FCMR: variants seen among roughly 807,000 people sequenced by gnomAD.
The protein encoded by FCMR is immunoglobulin mu Fc receptor.
A neutral mutation model predicts 41.6 loss-of-function variants in FCMR; 34 were observed. That is an observed-to-expected ratio of 0.82 (90% CI 0.62 to 1.09). The LOEUF is 1.09. FCMR is among the 50% of genes least tolerant of loss of function. The pLI is 0.00. For synonymous variants in FCMR, 209 were observed against 211.8 expected, an observed-to-expected ratio of 0.99 and a Z score of 0.12; for missense variants, 496 against 512.5, an observed-to-expected ratio of 0.97 and a Z score of 0.31.
chr1:206,916,095 C>T (rs1679180312), intron 1 of FCMR, among the ~76,000 whole-genome samples: 1 of 152,202 alleles, frequency 6.6e-6, no homozygotes, highest in Non-Finnish European at 1.5e-5. Flanking sequence ...GATGGACCAG[C>T]CAAAACCACG....
chr1:206,904,882 G>A lies in FCMR; in HGVS notation c.*137C>T. 1 of 933,182 alleles carries A rather than the reference G, an allele frequency of 1.1e-6. No individual in the cohort carries two copies. Among genetic ancestry groups the A allele is most frequent in the South Asian group, 1.5e-5 (1 of 67,656 alleles). 57.8% of individuals were successfully genotyped at this position (933,182 alleles called of 1,614,324 possible). A position where few individuals can be genotyped will look rare whatever the true frequency, so the allele number is the denominator to read the frequency against. On this transcript the variant is annotated 3_prime_UTR_variant, in exon 8 of 8. Coordinates refer to ENST00000367091, the MANE Select transcript of FCMR (RefSeq NM_005449.5). ...CCATGCTCAGGGCACAGATAGATGG[G>A]GATGGGAGTCGAGATGGGGCATGGG...
chr1:206,917,828 A>G, intron 1 of FCMR: 1 of 452,774 alleles, frequency 2.2e-6, no homozygotes, highest in South Asian at 1.6e-5. Flanking sequence ...GCTTTCACCC[A>G]GGCTGGTCTT....
chr1:206,913,952 G>T lies in FCMR; in HGVS notation c.180C>A (p.Thr60=), dbSNP rs377596508. ...TGATGAAGTTGGTGGTGGATACCAC[G>T]GTACCACATGTTCCAGATCCAGCCA... is the stretch of plus-strand genomic sequence containing the variant. ...REMAGSGTCG[T]VVSTTNFIKA... The change falls in exon 2 of 8, where the codon ACC becomes ACA. Residue 60 remains threonine (T), a synonymous_variant. Transcript: ENST00000367091. 7 of 1,614,154 alleles carry T rather than the reference G, an allele frequency of 4.3e-6. No individual in the cohort carries two copies. Among genetic ancestry groups the T allele is most frequent in the Non-Finnish European group, 5.9e-6 (7 of 1,180,024 alleles).
At position 206,903,858 on chromosome 1, in the gene FCMR, T is replaced by A. The variant is rs3093437; in HGVS notation, c.*1161A>T. 0.037 allele frequency: 5,681 copies of A among 152,382 alleles called. 244 individuals carry two copies. The highest frequency in any genetic ancestry group is 0.18 in the East Asian group (962 of 5,326). The allele number at this position is 152,382 out of a possible 1,614,324, so 9.4% of individuals were successfully genotyped here. Reference sequence around the variant, plus strand: ...CATTCCCTGCTAATAAAAGACAACATAACTCAAGTCTGGCAGACTTTCTTC... The same window carrying A: ...CATTCCCTGCTAATAAAAGACAACAAAACTCAAGTCTGGCAGACTTTCTTC... On this transcript the variant is annotated 3_prime_UTR_variant, in exon 8 of 8. Transcript: ENST00000367091.
chr1:206,906,979 A>T (rs953264764), intron 7 of FCMR, among the ~76,000 whole-genome samples: 1 of 150,864 alleles, frequency 6.6e-6, no homozygotes, highest in African/African-American at 2.4e-5. Context: ...ATTCCTTTCA[A>T]TGAGTACTTA....
Position 206,903,632 on chromosome 1 carries a change from T to C in FCMR, c.*1387A>G, listed in dbSNP as rs1678490677. The C allele has an allele frequency of 6.5e-6, 1 of 152,886 alleles. No individual in the cohort carries two copies. Among genetic ancestry groups the C allele is most frequent in the Non-Finnish European group, 1.5e-5 (1 of 68,486 alleles). The allele number at this position is 152,886 out of a possible 1,614,324, so 9.5% of individuals were successfully genotyped here. A position where few individuals can be genotyped will look rare whatever the true frequency, so the allele number is the denominator to read the frequency against. ...GAAAAGTAAACGATAAAATGTGGAT[T>C]AAAGTGCCCAGCACAAAGCAGATCC... On this transcript the variant is annotated 3_prime_UTR_variant, in exon 8 of 8. Transcript: ENST00000367091.
At chr1:206,913,076 C>A in intron 2 of FCMR, 34 bp from the exon 3 acceptor site, 1 of 1,518,582 alleles carries the variant, frequency 6.6e-7, no homozygotes, top group Non-Finnish European at 9.1e-7. Context: ...TTGGTGGTCT[C>A]TAGGGGGAGA....
rs1678509378 is a variant in FCMR, at chr1:206,904,011, T to C, written c.*1008A>G. 1 of 152,368 alleles carries C rather than the reference T, an allele frequency of 6.6e-6. No homozygotes were observed. Among genetic ancestry groups the C allele is most frequent in the Admixed American group, 6.5e-5 (1 of 15,280 alleles). 9.4% of individuals were successfully genotyped at this position (152,368 alleles called of 1,614,324 possible). ...TTTGTGGTCGACATCAATCTAAAGATACAGTGTCTGACTATAACCTTGTTC... is the reference window on the plus strand; with the variant it reads ...TTTGTGGTCGACATCAATCTAAAGACACAGTGTCTGACTATAACCTTGTTC... On this transcript the variant is annotated 3_prime_UTR_variant, in exon 8 of 8. Transcript: ENST00000367091.
chr1:206,911,174 A>T (rs991574215), intron 4 of FCMR, among the ~76,000 whole-genome samples: 1 of 152,052 alleles, frequency 6.6e-6, no homozygotes. Context: ...ATGATTTTGG[A>T]GGTCCTCTTT....
At chr1:206,906,931 G>C (rs531842749) in intron 7 of FCMR, among the ~76,000 whole-genome samples, 3 of 152,088 alleles carry the variant, frequency 2.0e-5, no homozygotes, top group African/African-American at 7.2e-5. Context: ...GCAAGCTGCT[G>C]CTGCTTCCCT....
chr1:206,920,360 C>T (rs1334965906), intron 1 of FCMR, among the ~76,000 whole-genome samples: 1 of 150,010 alleles, frequency 6.7e-6, no homozygotes, highest in Non-Finnish European at 1.5e-5. Context: ...GAAGCTAAGG[C>T]AGGAGAATCG....
chr1:206,909,878 A>G lies in FCMR; in HGVS notation c.842-10T>C, dbSNP rs2102551800. 3 of 1,374,172 alleles carry G rather than the reference A, an allele frequency of 2.2e-6. No homozygotes were observed. The highest frequency in any genetic ancestry group is 2.8e-6 in the Non-Finnish European group (3 of 1,064,804). 85.1% of individuals were successfully genotyped at this position (1,374,172 alleles called of 1,614,324 possible). On this transcript the variant is annotated splice_polypyrimidine_tract_variant and intron_variant, in intron 5 of 7. Coordinates refer to ENST00000367091, the MANE Select transcript of FCMR (RefSeq NM_005449.5). The surrounding 1 kb of genome is among the most constrained non-coding windows in gnomAD (Gnocchi z 5.0). Reference sequence around the variant, plus strand: ...GCCCGCCTGGAGAGGGCTTCCCCACAAAGCCACGGGAAGAGGGAGGAAAAT... The same window carrying G: ...GCCCGCCTGGAGAGGGCTTCCCCACGAAGCCACGGGAAGAGGGAGGAAAAT...
At position 206,905,063 on chromosome 1, in the gene FCMR, T is replaced by A. The variant is rs1678564916; in HGVS notation, c.1129A>T (p.Met377Leu). 2 of 1,614,130 alleles carry A rather than the reference T, an allele frequency of 1.2e-6. No individual in the cohort carries two copies. The highest frequency in any genetic ancestry group is 4.5e-5 in the East Asian group (2 of 44,884). The stretch of plus-strand genomic sequence containing the variant: ...TAGTCATCTGAATCACTGTCCTCCA[T>A]CATGGCGGCAGGCTGGTGGTAGAGG... Reference protein sequence around the residue: ...VSLYHQPAAMMEDSDSDDYIN... With the variant: ...VSLYHQPAAMLEDSDSDDYIN... Residue 377 changes from methionine (M) to leucine (L), a missense_variant, in exon 8 of 8, where the codon ATG (methionine) becomes TTG (leucine). Coordinates refer to ENST00000367091, the MANE Select transcript of FCMR (RefSeq NM_005449.5).
chr1:206,908,674 T>C (rs565948048), intron 7 of FCMR, among the ~76,000 whole-genome samples: 2 of 152,212 alleles, frequency 1.3e-5, no homozygotes, highest in East Asian at 3.9e-4. Flanking sequence ...AGGAATTGCC[T>C]GTGCTCCTCA....
intron 5 of FCMR, 69 bp downstream of exon 5, chr1:206,910,141 A>G (rs1678864577): frequency 6.9e-7 from 1 of 1,442,428 alleles, no homozygotes; most frequent in South Asian, 1.5e-5. Context: ...TGGAAGTTCA[A>G]AAGGGGGTTC....
intron 7 of FCMR, among the ~76,000 whole-genome samples, chr1:206,907,100 GGGT>G (rs1678690450): frequency 1.2e-3 from 67 of 55,886 alleles, no homozygotes; most frequent in Non-Finnish European, 1.6e-3. Context: ...GGGGGTGGGG[GGGT>G]GGGGGGGGGG....
rs750622888 is a variant in FCMR, at chr1:206,913,019, G to A, written c.397C>T (p.Gln133Ter). The change falls in exon 3 of 8, where the codon CAG becomes TAG. Residue 133 changes from glutamine (Q) to a stop codon, truncating the protein, a stop_gained. Coordinates refer to ENST00000367091, the MANE Select transcript of FCMR (RefSeq NM_005449.5). LOFTEE classifies it high-confidence loss of function. ...HSEYEPSWEEQPMPETPKWFH... is the reference protein window; with the variant it reads ...HSEYEPSWEE The stretch of plus-strand genomic sequence containing the variant: ...CATTTTGGAGTCTCAGGCATTGGCT[G>A]CTCTTCCCATGATGGCTCGTATTCT... The A allele has an allele frequency of 6.2e-7, 1 of 1,613,170 alleles. No individual in the cohort carries two copies. The highest frequency in any genetic ancestry group is 1.1e-5 in the South Asian group (1 of 91,062).
At chr1:206,907,238 C>CA (rs369828085) in intron 7 of FCMR, among the ~76,000 whole-genome samples, 138 of 152,112 alleles carry the variant, frequency 9.1e-4, no homozygotes, top group African/African-American at 3.2e-3. Context: ...AAGGGAGGTT[C>CA]ACTACATGGT....
intron 4 of FCMR, among the ~76,000 whole-genome samples, chr1:206,910,886 TTGTG>T (rs61104420): frequency 6.6e-6 from 1 of 151,556 alleles, no homozygotes. Flanking sequence ...TAAGCCAGAT[TTGTG>T]TGTGTGTGTG....
Sources: allele counts gnomAD v4.1 joint callset (sites outside exome capture counted in the v4.1 genomes callset), GRCh38; gene constraint gnomAD v4.1.1; non-coding constraint Gnocchi (gnomAD v3.1); transcripts MANE v1.5; gene names NCBI Gene and HGNC (gene_info 2026-07-23, HGNC 2026-07-21).